Variants in HLTF observed in about 807,000 individuals in gnomAD.
HLTF encodes the protein helicase like transcription factor.
A neutral mutation model predicts 129.4 loss-of-function variants in HLTF; 127 were observed. That is an observed-to-expected ratio of 0.98 (90% CI 0.85 to 1.14). The LOEUF (loss-of-function observed/expected upper bound fraction) is 1.14. HLTF is among the 50% of genes most tolerant of loss of function. The probability of loss-of-function intolerance (pLI) is 0.00; values close to 1 mark genes in which losing one functional copy is unlikely to be tolerated. For missense variants in HLTF, 1,139 were observed against 1,187.1 expected, an observed-to-expected ratio of 0.96 and a Z score of 0.60; for synonymous variants, 332 against 388.8, an observed-to-expected ratio of 0.85 and a Z score of 1.72.
At position 149,076,065 on chromosome 3, in the gene HLTF, C is replaced by G. The variant is rs994036396; in HGVS notation, c.229-18G>C. 1.0e-6 allele frequency: 1 copy of G among 963,386 alleles called. No individual in the cohort carries two copies. Among genetic ancestry groups the G allele is most frequent in the Non-Finnish European group, 1.6e-6 (1 of 642,022 alleles). 59.7% of individuals were successfully genotyped at this position (963,386 alleles called of 1,614,324 possible). On this transcript the variant is annotated intron_variant, in intron 2 of 24. Transcript: ENST00000310053. Reference sequence around the variant, plus strand: ...TTATTAACCTAATAAAAATGATAAACAGATAATATTACATTATAAATAATA... The same window carrying G: ...TTATTAACCTAATAAAAATGATAAAGAGATAATATTACATTATAAATAATA...
rs778009036 is a variant in HLTF at position 149,041,596 on chromosome 3, T to C, written c.2270A>G (p.Asp757Gly). 2 of 1,612,388 alleles carry C rather than the reference T, an allele frequency of 1.2e-6. No individual in the cohort carries two copies. Among genetic ancestry groups the C allele is most frequent in the Non-Finnish European group, 1.7e-6 (2 of 1,178,556 alleles). ...ATCCAGGCAAATTGCACATTCCTCA[T>C]CTGAACCTGAGCTCAGAATTAACTT... ...KMKLILSSGS[D>G]EECAICLDSL... The change falls in exon 20 of 25, where the codon GAT becomes GGT. Residue 757 changes from aspartate (D) to glycine (G), a missense_variant. Transcript: ENST00000310053.
At chr3:149,037,106 A>AT (rs1715703477) in intron 23 of HLTF, among the ~76,000 whole-genome samples, 1 of 152,210 alleles carries the variant, frequency 6.6e-6, no homozygotes, top group East Asian at 1.9e-4. Flanking sequence ...AGTTACAAAT[A>AT]TTTTTTATAG....
chr3:149,063,744 G>A (rs1226964791), intron 9 of HLTF, among the ~76,000 whole-genome samples: 1 of 150,472 alleles, frequency 6.6e-6, no homozygotes, highest in Admixed American at 6.6e-5. Flanking sequence ...TCTTTTCTTT[G>A]TACTCATCCA....
At chr3:149,044,752 G>C (rs927559156) in intron 18 of HLTF, among the ~76,000 whole-genome samples, 1 of 152,098 alleles carries the variant, frequency 6.6e-6, no homozygotes, top group African/African-American at 2.4e-5. Flanking sequence ...AGGTAAAAAG[G>C]CTTGAAGTTA....
At chr3:149,053,216 A>T (rs1474556804) in intron 14 of HLTF, among the ~76,000 whole-genome samples, 1 of 152,208 alleles carries the variant, frequency 6.6e-6, no homozygotes, top group Non-Finnish European at 1.5e-5. Context: ...TTGGATGTTC[A>T]TCTCCTCCAA....
At chr3:149,049,129 C>T (rs952920840) in intron 15 of HLTF, 128 bp from the exon 16 acceptor site, 12 of 536,870 alleles carry the variant, frequency 2.2e-5, no homozygotes, top group Admixed American at 3.3e-5. Context: ...GCTTTAAGCA[C>T]TACATTAATT....
intron 7 of HLTF, 61 bp from the exon 8 acceptor site, chr3:149,068,396 G>T (rs1005784110): frequency 6.8e-5 from 50 of 735,422 alleles, no homozygotes; most frequent in Non-Finnish European, 1.0e-4. Context: ...CCAGAAAAAC[G>T]TTCCCATTTT....
rs1718121413 is a variant in HLTF at position 149,063,477 on chromosome 3, TCTC to T, written c.1111_1113del (p.Glu371del). 1 of 1,611,544 alleles carries T rather than the reference TCTC, an allele frequency of 6.2e-7. No individual in the cohort carries two copies. Among genetic ancestry groups the T allele is most frequent in the African/African-American group, 1.3e-5 (1 of 74,912 alleles). On this transcript the variant is annotated inframe_deletion, in exon 10 of 25. Coordinates refer to ENST00000310053, the MANE Select transcript of HLTF (RefSeq NM_003071.4). ...AATTCTGACATGCGAAACTTACTCT[TCTC>T]CTTGATATCTGAAATACTGGGTTGT...
rs746516015 is a variant in HLTF, at chr3:149,032,200, C to T, written c.*20G>A. 8.5e-5 allele frequency: 130 copies of T among 1,534,342 alleles called. No homozygotes were observed. Among genetic ancestry groups the T allele is most frequent in the Non-Finnish European group, 1.1e-4 (125 of 1,142,234 alleles). On this transcript the variant is annotated 3_prime_UTR_variant, in exon 25 of 25. Coordinates refer to ENST00000310053, the MANE Select transcript of HLTF (RefSeq NM_003071.4). ...AAACTTAAGTATCCAATCAAACTGA[C>T]CTTACTAAAATCCCACAAATTATAA... is the stretch of plus-strand genomic sequence containing the variant.
At chr3:149,046,639 T>C (rs1028566914) in intron 17 of HLTF, among the ~76,000 whole-genome samples, 1 of 152,168 alleles carries the variant, frequency 6.6e-6, no homozygotes, top group African/African-American at 2.4e-5. Context: ...TGCCAGGCAC[T>C]GAATTAAATG....
Position 149,055,324 on chromosome 3 carries a change from A to C in HLTF, c.1452T>G (p.Leu484=). ...RPRTTLIICP[L]SVLSNWIDQF... ...TTACAATCCAGTTGCTTAACACAGA[A>C]AGCGGACAGATGATCAGTGTTGTTC... is the stretch of plus-strand genomic sequence containing the variant. Residue 484 remains leucine (L), a synonymous_variant, in exon 14 of 25, where the codon CTT becomes CTG. Transcript: ENST00000310053. The C allele has an allele frequency of 6.2e-7, 1 of 1,613,400 alleles. No individual in the cohort carries two copies. The highest frequency in any genetic ancestry group is 1.1e-5 in the South Asian group (1 of 91,050).
chr3:149,063,210 C>A (rs1034836526), intron 10 of HLTF: 3 of 442,590 alleles, frequency 6.8e-6, no homozygotes, highest in Non-Finnish European at 1.3e-5. Flanking sequence ...CAGGCGCCCA[C>A]GACCACGCCT....
chr3:149,069,394 C>T (rs530342206), intron 7 of HLTF, among the ~76,000 whole-genome samples: 1 of 150,568 alleles, frequency 6.6e-6, no homozygotes, highest in East Asian at 1.9e-4. Context: ...TCACTTGAAC[C>T]TGGGAGGCGG....
intron 20 of HLTF, 55 bp downstream of exon 20, chr3:149,041,415 TACTATCTTTTATTATATTAA>T: frequency 1.1e-6 from 1 of 921,778 alleles, no homozygotes; most frequent in East Asian, 2.8e-5. Flanking sequence ...AAACTCCATA[TACTATCTTTTATTATATTAA>T]AGACAGGTAC....
rs981815980 is a variant in HLTF at position 149,084,885 on chromosome 3, G to C, written c.25C>G (p.Pro9Ala). The change falls in exon 2 of 25, where the codon CCA (proline) becomes GCA (alanine). Residue 9 changes from proline to alanine, a missense_variant. By Grantham distance (27) the Pro-to-Ala change is conservative. Transcript: ENST00000310053. ...ACAGTCTGCAAGTACTTCCAAACTG[G>C]ATCCCTATTTTTTTTTAAAGGCAAA... MSWMFKRD[P>A]VWKYLQTVQY... 5 of 1,610,030 alleles carry C rather than the reference G, an allele frequency of 3.1e-6. No individual in the cohort carries two copies. The highest frequency in any genetic ancestry group is 1.3e-5 in the African/African-American group (1 of 74,672).
intron 13 of HLTF, among the ~76,000 whole-genome samples, chr3:149,057,770 C>T (rs1360696835): frequency 1.3e-5 from 2 of 152,200 alleles, no homozygotes; most frequent in African/African-American, 4.8e-5. Flanking sequence ...CTAGTGTATT[C>T]ATTTTAACCA....
In HLTF at chr3:149,082,783, A is replaced by G. The variant is rs373859449; in HGVS notation, c.228+1899T>C. 2.6e-5 allele frequency among the ~76,000 whole-genome samples: 4 copies of G among 152,224 alleles called. No homozygotes were observed. The East Asian group carries it at 7.7e-4, about 29-fold the overall frequency. ...AAATGTCCATCAACAAGGAAATTAT[A>G]AGTCCAATATAGATGATATTCCTAA... is the stretch of plus-strand genomic sequence containing the variant. On this transcript the variant is annotated intron_variant, in intron 2 of 24. Transcript: ENST00000310053.
chr3:149,075,764 A>G (rs530317570), intron 3 of HLTF, 117 bp downstream of exon 3: 1 of 567,886 alleles, frequency 1.8e-6, no homozygotes, highest in African/African-American at 1.9e-5. Flanking sequence ...ACACGTACCA[A>G]AAGTACAGTG....
Position 149,068,262 on chromosome 3 carries a change from ACT to A in HLTF, c.966_967del (p.Arg322SerfsTer2), listed in dbSNP as rs1365886853. On this transcript the variant is annotated frameshift_variant, in exon 8 of 25. Transcript: ENST00000310053. LOFTEE classifies it high-confidence loss of function. Reference sequence around the variant, plus strand: ...TACCTTCTTCAGTAGATTCTTTTTAACTCTTTCAATAGGAAGAGGTCTGCCAT... The same window carrying A: ...TACCTTCTTCAGTAGATTCTTTTTAACTTTCAATAGGAAGAGGTCTGCCAT... The A allele has an allele frequency of 6.5e-7, 1 of 1,546,718 alleles. No individual in the cohort carries two copies. The highest frequency in any genetic ancestry group is 8.9e-7 in the Non-Finnish European group (1 of 1,124,820).
Sources: gnomAD v4.1 joint callset for allele counts (sites outside exome capture counted in the v4.1 genomes callset) on GRCh38, gnomAD v4.1.1 for gene constraint, MANE v1.5 for transcripts, NCBI Gene and HGNC (gene_info 2026-07-23, HGNC 2026-07-21) for gene names.